SEZ6L: variants seen among roughly 807,000 people sequenced by gnomAD.
SEZ6L encodes seizure related 6 homolog like, also known as seizure 6-like protein.
SEZ6L carries 37 observed loss-of-function variants against 106.2 expected under a neutral mutation model. That is an observed-to-expected ratio of 0.35 (90% CI 0.27 to 0.46). The LOEUF is 0.46. Ranked by LOEUF, SEZ6L falls within the 20% of genes least tolerant of loss-of-function variation. The pLI, the probability that SEZ6L is intolerant of heterozygous loss-of-function variation, is 1.00. For synonymous variants in SEZ6L, 541 were observed against 570.4 expected, an observed-to-expected ratio of 0.95 and a Z score of 0.73; for missense variants, 1,172 against 1,332.8, an observed-to-expected ratio of 0.88 and a Z score of 1.88.
intron 1 of SEZ6L, among the ~76,000 whole-genome samples, chr22:26,229,366 G>T (rs1207169152): frequency 6.6e-6 from 1 of 152,088 alleles, no homozygotes; most frequent in South Asian, 2.1e-4. Flanking sequence ...TCTGCCCCGG[G>T]CTTGTAACTG....
chr22:26,219,955 A>G (rs2078415627), intron 1 of SEZ6L, among the ~76,000 whole-genome samples: 1 of 152,232 alleles, frequency 6.6e-6, no homozygotes, highest in Admixed American at 6.5e-5. Flanking sequence ...AACTTAAAAT[A>G]AAATAAAAAT....
chr22:26,261,711 G>A (rs767348168), intron 1 of SEZ6L, among the ~76,000 whole-genome samples: 1 of 152,192 alleles, frequency 6.6e-6, no homozygotes, highest in Non-Finnish European at 1.5e-5. Flanking sequence ...AAGTACAGAT[G>A]CTGTAAAAAG....
chr22:26,201,075 A>T (rs1489452275), intron 1 of SEZ6L, among the ~76,000 whole-genome samples: 2 of 151,968 alleles, frequency 1.3e-5, no homozygotes, highest in Non-Finnish European at 2.9e-5. Flanking sequence ...TTCCTATGTC[A>T]TCTAGGTTTT....
chr22:26,273,789 A>G (rs145858110), intron 1 of SEZ6L, among the ~76,000 whole-genome samples: 119 of 152,254 alleles, frequency 7.8e-4, no homozygotes, highest in Non-Finnish European at 1.3e-3. Flanking sequence ...GTGGGGTGAG[A>G]TGGTGCAGGA....
At chr22:26,356,367 C>T (rs1428318311) in intron 12 of SEZ6L, among the ~76,000 whole-genome samples, 2 of 152,106 alleles carry the variant, frequency 1.3e-5, no homozygotes, top group East Asian at 1.9e-4. Context: ...GCTGGCTGGG[C>T]GTGATGGCTT....
intron 1 of SEZ6L, among the ~76,000 whole-genome samples, chr22:26,274,273 T>C (rs909242449): frequency 6.6e-6 from 1 of 152,136 alleles, no homozygotes; most frequent in African/African-American, 2.4e-5. Flanking sequence ...AGACCATGGA[T>C]ATAGGACCTT....
chr22:26,289,368 C>G (rs1024034006), intron 1 of SEZ6L, among the ~76,000 whole-genome samples: 3 of 152,218 alleles, frequency 2.0e-5, no homozygotes, highest in African/African-American at 7.2e-5. Flanking sequence ...TGAGGCAGAT[C>G]CACGTCTGGT....
At chr22:26,338,777 C>A (rs921136588) in intron 9 of SEZ6L, among the ~76,000 whole-genome samples, 2 of 150,450 alleles carry the variant, frequency 1.3e-5, no homozygotes, top group African/African-American at 4.9e-5. Flanking sequence ...AGAATGGTTT[C>A]GATTTCTTGA....
chr22:26,317,320 C>T (rs950177163), intron 9 of SEZ6L, among the ~76,000 whole-genome samples: 1 of 152,004 alleles, frequency 6.6e-6, no homozygotes, highest in Non-Finnish European at 1.5e-5. Context: ...CTGTCTTCAG[C>T]CAAGAGAAGG....
At chr22:26,299,274 G>A (rs2081384724) in intron 5 of SEZ6L, 105 bp downstream of exon 5, 1 of 972,336 alleles carries the variant, frequency 1.0e-6, no homozygotes, top group South Asian at 3.6e-5. Context: ...TTTCAGCCCA[G>A]GGGAAGAAAC....
Position 26,310,760 on chromosome 22 carries a change from C to T in SEZ6L, c.1605C>T (p.Ser535=), listed in dbSNP as rs760017974. 4.6e-5 allele frequency: 75 copies of T among 1,614,026 alleles called. No individual in the cohort carries two copies. Among genetic ancestry groups the T allele is most frequent in the South Asian group, 1.1e-4 (10 of 91,078 alleles). The change falls in exon 7 of 17, where the codon AGC becomes AGT. Residue 535 remains serine (S), a synonymous_variant. Coordinates refer to ENST00000248933, the MANE Select transcript of SEZ6L (RefSeq NM_021115.5). ...GTGTCCCTTTTGAGGGCCTGCTGAG[C>T]GAAGGCAACACCATCCGCATCGAGT... is the stretch of plus-strand genomic sequence containing the variant. ...TESVPFEGLL[S]EGNTIRIEFT... is the part of the protein sequence containing the mutation.
chr22:26,360,429 T>C (rs2083576721), intron 12 of SEZ6L, among the ~76,000 whole-genome samples: 1 of 152,200 alleles, frequency 6.6e-6, no homozygotes, highest in African/African-American at 2.4e-5. Context: ...AGGGACCATG[T>C]TCGCCTTGCT....
At chr22:26,323,091 A>G (rs2145947993) in intron 9 of SEZ6L, among the ~76,000 whole-genome samples, 1 of 152,328 alleles carries the variant, frequency 6.6e-6, no homozygotes, top group South Asian at 2.1e-4. Flanking sequence ...CCAGAAAGAC[A>G]ACTTGCTTGT....
chr22:26,382,200 G>GTT lies in SEZ6L; in HGVS notation c.*1906_*1907dup. 6.3e-6 allele frequency: 2 copies of GTT among 319,304 alleles called. No individual in the cohort carries two copies. The highest frequency in any genetic ancestry group is 1.4e-4 in the East Asian group (2 of 13,962). 19.8% of individuals were successfully genotyped at this position (319,304 alleles called of 1,614,324 possible). A position where few individuals can be genotyped will look rare whatever the true frequency, so the allele number is the denominator to read the frequency against. ...CATTTAATGCAAGAACCAGAGAAGT[G>GTT]TTCTAGGCCATTAGTGGACAATGTC... is the stretch of plus-strand genomic sequence containing the variant. On this transcript the variant is annotated 3_prime_UTR_variant, in exon 17 of 17. Transcript: ENST00000248933.
intron 1 of SEZ6L, among the ~76,000 whole-genome samples, chr22:26,206,339 C>G (rs576884320): frequency 6.6e-6 from 1 of 152,304 alleles, no homozygotes; most frequent in African/African-American, 2.4e-5. Context: ...CACCTCACCC[C>G]CTATGATCCA....
At chr22:26,340,003 G>C (rs909778319) in intron 9 of SEZ6L, among the ~76,000 whole-genome samples, 1 of 152,152 alleles carries the variant, frequency 6.6e-6, no homozygotes, top group Non-Finnish European at 1.5e-5. Flanking sequence ...GGGAGGCCGA[G>C]GTGGGCAGAT....
intron 6 of SEZ6L, among the ~76,000 whole-genome samples, chr22:26,309,586 A>AT (rs370387908): frequency 0.025 from 3,726 of 150,004 alleles, 143 homozygotes; most frequent in African/African-American, 0.085. Flanking sequence ...CCTGTTAACT[A>AT]TTTTTTTTTT....
rs936436704 is a variant in SEZ6L, at chr22:26,267,313, G to A, written c.95-25093G>A. On this transcript the variant is annotated intron_variant, in intron 1 of 16. Transcript: ENST00000248933. The stretch of plus-strand genomic sequence containing the variant: ...CTGTCACTGCCAGGTTTTCCTGCCT[G>A]CCCTTCCAAAACGTGGGTTTTCAAA... 2.6e-5 allele frequency among the ~76,000 whole-genome samples: 4 copies of A among 152,176 alleles called. No individual in the cohort carries two copies. In the East Asian group the frequency reaches 7.7e-4, roughly 29 times the overall value.
intron 12 of SEZ6L, among the ~76,000 whole-genome samples, chr22:26,352,133 C>G (rs939978275): frequency 7.1e-6 from 1 of 140,570 alleles, no homozygotes; most frequent in Non-Finnish European, 1.5e-5. Flanking sequence ...TGTACCCTAG[C>G]TTGGGTGGCA....
Sources: allele counts gnomAD v4.1 joint callset (sites outside exome capture counted in the v4.1 genomes callset), GRCh38; gene constraint gnomAD v4.1.1; transcripts MANE v1.5; gene names NCBI Gene and HGNC (gene_info 2026-07-23, HGNC 2026-07-21).